The following PPP1R12A variants were observed in gnomAD, a reference collection of about 807,000 sequenced individuals.
The protein encoded by PPP1R12A is myosin binding subunit.
A neutral mutation model predicts 139.6 loss-of-function variants in PPP1R12A; 19 were observed. The ratio of observed to expected loss-of-function variants is 0.14; its 90% CI spans 0.09 to 0.20. PPP1R12A has a LOEUF of 0.20. Ranked by LOEUF, PPP1R12A falls within the 10% of genes least tolerant of loss-of-function variation. The pLI is 1.00. For synonymous variants in PPP1R12A, 427 were observed against 420.6 expected (o/e 1.02, Z -0.19); for missense variants, 925 against 1,211.5 (o/e 0.76, Z 3.51).
At chr12:79,801,939 C>T (rs1305420470) in intron 14 of PPP1R12A, among the ~76,000 whole-genome samples, 1 of 152,118 alleles carries the variant, frequency 6.6e-6, no homozygotes, top group Non-Finnish European at 1.5e-5. Context: ...AATTCCATCA[C>T]TATTATACTT....
chr12:79,865,105 A>G (rs1881816128), intron 2 of PPP1R12A, among the ~76,000 whole-genome samples: 1 of 152,230 alleles, frequency 6.6e-6, no homozygotes, highest in Non-Finnish European at 1.5e-5. Context: ...CAGCACGTCA[A>G]AAAGCTTATC....
Position 79,788,780 on chromosome 12 carries a change from A to G in PPP1R12A, c.2670T>C (p.Tyr890=), listed in dbSNP as rs1871421118. 3 of 1,595,074 alleles carry G rather than the reference A, an allele frequency of 1.9e-6. No individual in the cohort carries two copies. Among genetic ancestry groups the G allele is most frequent in the Non-Finnish European group, 2.6e-6 (3 of 1,170,440 alleles). The change falls in exon 21 of 25, where the codon TAT becomes TAC. Residue 890 remains tyrosine (Y), a synonymous_variant. Transcript: ENST00000450142. ...KETQTDSISR[Y]ETSSTSAGDR... ...CACCAGCTGATGTAGAACTGGTTTC[A>G]TATCTTCAAAAGATTAATTTAAATA...
chr12:79,905,757 GAAT>G (rs1181236035), intron 1 of PPP1R12A, among the ~76,000 whole-genome samples: 5 of 152,104 alleles, frequency 3.3e-5, no homozygotes, highest in African/African-American at 9.7e-5. Context: ...AGAAATCATT[GAAT>G]TGTGGAACAA....
In PPP1R12A at chr12:79,798,574, T is replaced by G; in HGVS notation, c.2011A>C (p.Thr671Pro). Reference protein sequence around the residue: ...EVRERRRSYLTPVRDEESESQ... With the variant: ...EVRERRRSYLPPVRDEESESQ... ...TCAGACTCTTCATCCCTAACAGGAG[T>G]GAGGTATGATCTACAGTAGTAAATT... Residue 671 changes from threonine (T) to proline (P), a missense_variant, in exon 15 of 25, where the codon ACT becomes CCT. Around this residue, in one of 4 missense-constraint regions of PPP1R12A, gnomAD observed 403 missense variants for 463.7 expected, o/e 0.87. Coordinates refer to ENST00000450142, the MANE Select transcript of PPP1R12A (RefSeq NM_002480.3). 6.4e-7 allele frequency: 1 copy of G among 1,555,918 alleles called. No individual in the cohort carries two copies. Among genetic ancestry groups the G allele is most frequent in the Non-Finnish European group, 8.7e-7 (1 of 1,145,364 alleles).
chr12:79,799,891 C>A (rs994532314), intron 14 of PPP1R12A, among the ~76,000 whole-genome samples: 4 of 152,046 alleles, frequency 2.6e-5, no homozygotes, highest in Non-Finnish European at 4.4e-5. Context: ...TGCCTGTACT[C>A]CCAGTTACTC....
chr12:79,851,066 T>C (rs1327144107), intron 2 of PPP1R12A, among the ~76,000 whole-genome samples: 9 of 152,184 alleles, frequency 5.9e-5, no homozygotes, highest in African/African-American at 2.2e-4. Flanking sequence ...AAAAGTTATT[T>C]TAACCAATAT....
rs565174224 is a variant in PPP1R12A at position 79,933,849 on chromosome 12, T to C, written c.237+846A>G. On this transcript the variant is annotated intron_variant, in intron 1 of 24. Transcript: ENST00000450142. ...AAAAGTTTGTGACCAGCTTTCTTTT[T>C]TCCCAACCCCAAAAGAAAAACCAGA... Among the ~76,000 whole-genome samples the C allele has an allele frequency of 7.3e-4, 111 of 152,368 alleles. 4 individuals carry two copies. The South Asian group carries it at 0.019, about 26-fold the overall frequency.
intron 2 of PPP1R12A, among the ~76,000 whole-genome samples, chr12:79,870,120 C>A (rs1006962679): frequency 6.6e-6 from 1 of 151,656 alleles, no homozygotes; most frequent in Non-Finnish European, 1.5e-5. Context: ...TTTTTTGAAA[C>A]AAGGTTTCAC....
At chr12:79,933,036 TATC>T (rs1888365085) in intron 1 of PPP1R12A, among the ~76,000 whole-genome samples, 1 of 152,228 alleles carries the variant, frequency 6.6e-6, no homozygotes. Flanking sequence ...ATAATTACAT[TATC>T]ATTTTTAATG....
rs551668938 is a variant in PPP1R12A, at chr12:79,877,308, T to C, written c.238-4370A>G. ...ATATAACAGATGATAAAAGAATACA[T>C]AGGCAACGTTGATACAGATATTGCT... On this transcript the variant is annotated intron_variant, in intron 1 of 24. Coordinates refer to ENST00000450142, the MANE Select transcript of PPP1R12A (RefSeq NM_002480.3). Among the ~76,000 whole-genome samples the C allele has an allele frequency of 3.3e-5, 5 of 152,288 alleles. No individual in the cohort carries two copies. The East Asian group carries it at 5.8e-4, about 18-fold the overall frequency.
chr12:79,822,633 G>A (rs1313473482), intron 5 of PPP1R12A, among the ~76,000 whole-genome samples: 2 of 152,098 alleles, frequency 1.3e-5, no homozygotes, highest in Non-Finnish European at 2.9e-5. Context: ...CCTATGCTAG[G>A]CATTTCCTAT....
chr12:79,909,298 TATATA>T, intron 1 of PPP1R12A, among the ~76,000 whole-genome samples: 1 of 152,328 alleles, frequency 6.6e-6, no homozygotes, highest in Non-Finnish European at 1.5e-5. Context: ...TAAATACTAT[TATATA>T]AGTGTTTACT....
intron 9 of PPP1R12A, among the ~76,000 whole-genome samples, chr12:79,816,557 A>T (rs1254336555): frequency 6.6e-6 from 1 of 151,826 alleles, no homozygotes; most frequent in Non-Finnish European, 1.5e-5. Flanking sequence ...TAAAAGAAAG[A>T]TAGGTTCCAG....
chr12:79,871,657 T>A (rs887394996), intron 2 of PPP1R12A, among the ~76,000 whole-genome samples: 4 of 152,118 alleles, frequency 2.6e-5, no homozygotes, highest in African/African-American at 9.7e-5. Context: ...CAGAGCCTAA[T>A]CATTAAGTGT....
Position 79,786,429 on chromosome 12 carries a change from T to C in PPP1R12A, c.2852A>G (p.His951Arg). 1.3e-6 allele frequency: 2 copies of C among 1,565,258 alleles called. No homozygotes were observed. Among genetic ancestry groups the C allele is most frequent in the African/African-American group, 1.4e-5 (1 of 74,062 alleles). Residue 951 changes from histidine (H) to arginine (R), a missense_variant, in exon 22 of 25, where the codon CAT (histidine) becomes CGT (arginine). Around this residue, in one of 4 missense-constraint regions of PPP1R12A, gnomAD observed 315 missense variants for 363.4 expected, o/e 0.87. Coordinates refer to ENST00000450142, the MANE Select transcript of PPP1R12A (RefSeq NM_002480.3). The part of the protein sequence containing the change: ...AENEKLKAQL[H>R]DTNMELTDLK... Reference sequence around the variant, plus strand: ...ATCTGTTAGTTCCATATTTGTATCATGTAGCTGTGCCTTCAGCTTTTCATT... The same window carrying C: ...ATCTGTTAGTTCCATATTTGTATCACGTAGCTGTGCCTTCAGCTTTTCATT...
intron 1 of PPP1R12A, among the ~76,000 whole-genome samples, chr12:79,882,020 C>T (rs1007629402): frequency 6.6e-6 from 1 of 152,148 alleles, no homozygotes; most frequent in Non-Finnish European, 1.5e-5. Context: ...AAAAAAGATT[C>T]CTTTCAAAAT....
chr12:79,805,708 C>A lies in PPP1R12A; in HGVS notation c.1884G>T (p.Thr628=). 6.2e-7 allele frequency: 1 copy of A among 1,613,418 alleles called. No individual in the cohort carries two copies. The highest frequency in any genetic ancestry group is 8.5e-7 in the Non-Finnish European group (1 of 1,179,582). ...STEKEKDSVP[T]AVTIPVAPTV... Reference sequence around the variant, plus strand: ...TTGGAGCAACAGGAATGGTCACTGCCGTAGGAACACTGTCCTTTTCTTTCT... The same window carrying A: ...TTGGAGCAACAGGAATGGTCACTGCAGTAGGAACACTGTCCTTTTCTTTCT... Residue 628 remains threonine (T), a synonymous_variant, in exon 14 of 25, where the codon ACG becomes ACT. Transcript: ENST00000450142.
intron 19 of PPP1R12A, among the ~76,000 whole-genome samples, chr12:79,790,730 A>G (rs1009465434): frequency 2.0e-5 from 3 of 152,210 alleles, no homozygotes; most frequent in Admixed American, 1.3e-4. Flanking sequence ...GTGGTATGCT[A>G]CACTGAAGTT....
In PPP1R12A at chr12:79,817,477, A is replaced by G; in HGVS notation, c.1156T>C (p.Ser386Pro). 5 of 1,605,448 alleles carry G rather than the reference A, an allele frequency of 3.1e-6. No individual in the cohort carries two copies. Among genetic ancestry groups the G allele is most frequent in the Non-Finnish European group, 4.3e-6 (5 of 1,175,074 alleles). Reference sequence around the variant, plus strand: ...GCTACAGGAGCTGCTTGTGTACTAGAAGTGTTGGCATTAGTTACAGAAGCC... The same window carrying G: ...GCTACAGGAGCTGCTTGTGTACTAGGAGTGTTGGCATTAGTTACAGAAGCC... ...PLASVTNANT[S>P]STQAAPVAVT... The change falls in exon 9 of 25, where the codon TCT becomes CCT. Residue 386 changes from serine (S) to proline (P), a missense_variant. Physicochemically the swap from Ser to Pro is moderately conservative, Grantham distance 74 (BLOSUM62 -1). Coordinates refer to ENST00000450142, the MANE Select transcript of PPP1R12A (RefSeq NM_002480.3).
Sources: gnomAD v4.1 joint callset for allele counts (sites outside exome capture counted in the v4.1 genomes callset) on GRCh38, gnomAD v4.1.1 for gene constraint, gnomAD v4.1.1 regional missense constraint, MANE v1.5 for transcripts, NCBI Gene and HGNC (gene_info 2026-07-23, HGNC 2026-07-21) for gene names.